Variants in PCDHGA7 observed in about 807,000 individuals in gnomAD.
PCDHGA7 encodes protocadherin gamma subfamily A, 7, also known as protocadherin gamma-A7.
In PCDHGA7, 44 loss-of-function variants were observed where a neutral mutation model predicts 58.3. That is an observed-to-expected ratio of 0.75 (90% confidence interval 0.59 to 0.97). The LOEUF (loss-of-function observed/expected upper bound fraction) is 0.97. PCDHGA7 is among the 50% of genes least tolerant of loss of function. PCDHGA7 has a pLI of 0.00. For missense variants in PCDHGA7, 1,266 were observed against 1,188.7 expected (o/e 1.06, Z -0.96); for synonymous variants, 516 against 504.2 (o/e 1.02, Z -0.31).
At chr5:141,400,791 T>C in intron 1 of PCDHGA7, 1 of 562,286 alleles carries the variant, frequency 1.8e-6, no homozygotes, top group Non-Finnish European at 3.1e-6. Flanking sequence ...TTTGTCCTCT[T>C]TCTCAAAGCT....
Position 141,486,253 on chromosome 5 carries a change from C to A in PCDHGA7, c.2425-8554C>A. The A allele has an allele frequency of 6.2e-7, 1 of 1,614,138 alleles. No individual in the cohort carries two copies. Among genetic ancestry groups the A allele is most frequent in the Non-Finnish European group, 8.5e-7 (1 of 1,180,006 alleles). On this transcript the variant is annotated intron_variant, in intron 1 of 3. Transcript: ENST00000518325. This position sits in a 1 kb window ranked among gnomAD's most constrained non-coding sequence, Gnocchi z 5.0. ...TGACCTCAGAGCTTGGAACCCTCCC[C>A]GAGAGTGCAGAACCTGGCACTGTGG...
chr5:141,387,661 G>C (rs2091032284), intron 1 of PCDHGA7: 2 of 656,114 alleles, frequency 3.0e-6, no homozygotes, highest in East Asian at 5.7e-5. Context: ...AGAGCTTGGC[G>C]CTCCAGATCT....
rs950537869 is a variant in PCDHGA7, at chr5:141,432,150, A to G, written c.2424+46827A>G. 6.2e-7 allele frequency: 1 copy of G among 1,614,010 alleles called. No homozygotes were observed. On this transcript the variant is annotated intron_variant, in intron 1 of 3. Coordinates refer to ENST00000518325, the MANE Select transcript of PCDHGA7 (RefSeq NM_018920.4). The surrounding 1 kb of genome is among the most constrained non-coding windows in gnomAD (Gnocchi z 6.0). ...TCCTATTCCGCTTATATCCCAGAGA[A>G]CAATCCCAGAGGAGTTTCCCTCGTC...
intron 1 of PCDHGA7, chr5:141,404,970 C>G: frequency 6.2e-7 from 1 of 1,614,058 alleles, no homozygotes; most frequent in East Asian, 2.2e-5. Context: ...GACATCCTGG[C>G]TGACCTGGGC....
At chr5:141,456,837 C>G (rs550771859) in intron 1 of PCDHGA7, among the ~76,000 whole-genome samples, 70 of 152,194 alleles carry the variant, frequency 4.6e-4, no homozygotes, top group Non-Finnish European at 8.2e-4. Context: ...GTAGTGGGCG[C>G]CTGTAATCCC....
chr5:141,431,748 G>T lies in PCDHGA7; in HGVS notation c.2424+46425G>T. 1 of 1,614,196 alleles carries T rather than the reference G, an allele frequency of 6.2e-7. No homozygotes were observed. Among genetic ancestry groups the T allele is most frequent in the Non-Finnish European group, 8.5e-7 (1 of 1,180,042 alleles). Reference sequence around the variant, plus strand: ...ATGGATAATGCAGGATATTCTGCGCGAGCCAAAGTCCTGATCACTGTTCTG... The same window carrying T: ...ATGGATAATGCAGGATATTCTGCGCTAGCCAAAGTCCTGATCACTGTTCTG... On this transcript the variant is annotated intron_variant, in intron 1 of 3. Transcript: ENST00000518325. This position sits in a 1 kb window ranked among gnomAD's most constrained non-coding sequence, Gnocchi z 4.8.
At chr5:141,397,896 C>G (rs371654961) in intron 1 of PCDHGA7, 48 of 650,728 alleles carry the variant, frequency 7.4e-5, no homozygotes, top group African/African-American at 2.0e-4. Flanking sequence ...GGCCAAAGTG[C>G]AGAGCTTGGC....
chr5:141,383,932 C>G lies in PCDHGA7; in HGVS notation c.1033C>G (p.Pro345Ala). 3 of 1,613,794 alleles carry G rather than the reference C, an allele frequency of 1.9e-6. No individual in the cohort carries two copies. Among genetic ancestry groups the G allele is most frequent in the Non-Finnish European group, 2.5e-6 (3 of 1,179,800 alleles). ...AGTTTTAGATGTAAATGATAATGCTCCAGAAGTGACTATGACGTCTTTAAG... is the reference window on the plus strand; with the variant it reads ...AGTTTTAGATGTAAATGATAATGCTGCAGAAGTGACTATGACGTCTTTAAG... ...ITVLDVNDNA[P>A]EVTMTSLSSS... is the part of the protein sequence containing the mutation. Residue 345 changes from proline (P) to alanine (A), a missense_variant, in exon 1 of 4, where the codon CCA becomes GCA. Coordinates refer to ENST00000518325, the MANE Select transcript of PCDHGA7 (RefSeq NM_018920.4).
intron 1 of PCDHGA7, chr5:141,415,006 C>A (rs1353721901): frequency 6.2e-7 from 1 of 1,613,652 alleles, no homozygotes; most frequent in Non-Finnish European, 8.5e-7. Context: ...GCTGTCCTAC[C>A]GTCTGCTCAA....
At position 141,489,302 on chromosome 5, in the gene PCDHGA7, T is replaced by C. The variant is rs1258736404; in HGVS notation, c.2425-5505T>C. 2 of 1,586,886 alleles carry C rather than the reference T, an allele frequency of 1.3e-6. No homozygotes were observed. The highest frequency in any genetic ancestry group is 2.3e-5 in the South Asian group (2 of 85,378). ...TGGCAAGTGCTGTGCATGTTGTCCT[T>C]GTGCTGCTGGGGCTGGGTGTCTGGG... On this transcript the variant is annotated intron_variant, in intron 1 of 3. Transcript: ENST00000518325. The surrounding 1 kb of genome is among the most constrained non-coding windows in gnomAD (Gnocchi z 4.5).
chr5:141,387,301 AT>A (rs888289074), intron 1 of PCDHGA7, among the ~76,000 whole-genome samples: 1 of 152,242 alleles, frequency 6.6e-6, no homozygotes, highest in African/African-American at 2.4e-5. Flanking sequence ...TGTATCCAGT[AT>A]ATTTCTAATG....
At chr5:141,407,222 C>CA (rs895046980) in intron 1 of PCDHGA7, among the ~76,000 whole-genome samples, 4 of 151,730 alleles carry the variant, frequency 2.6e-5, no homozygotes, top group African/African-American at 7.2e-5. Flanking sequence ...AAGTGGGTAG[C>CA]AAAAAAAATA....
At chr5:141,456,215 C>T (rs1465130067) in intron 1 of PCDHGA7, among the ~76,000 whole-genome samples, 2 of 152,048 alleles carry the variant, frequency 1.3e-5, no homozygotes, top group African/African-American at 2.4e-5. Flanking sequence ...CTCCCTGTGG[C>T]GATATCAAAC....
chr5:141,409,203 T>TC, intron 1 of PCDHGA7: 1 of 1,613,964 alleles, frequency 6.2e-7, no homozygotes, highest in Non-Finnish European at 8.5e-7. Context: ...TGTAAAGTAA[T>TC]CATAGAAATC....
intron 1 of PCDHGA7, chr5:141,390,054 T>G (rs763200251): frequency 6.2e-7 from 1 of 1,614,070 alleles, no homozygotes; most frequent in Non-Finnish European, 8.5e-7. Context: ...CTCCTGGAGC[T>G]GCTTCCAGCC....
At chr5:141,423,702 C>T in intron 1 of PCDHGA7, 4 of 1,340,970 alleles carry the variant, frequency 3.0e-6, no homozygotes, top group South Asian at 1.6e-5. Flanking sequence ...GGTGTCTTGG[C>T]ACAAGTCTTT....
chr5:141,415,849 C>A (rs1453652151), intron 1 of PCDHGA7: 2 of 1,230,672 alleles, frequency 1.6e-6, no homozygotes, highest in Non-Finnish European at 2.1e-6. Flanking sequence ...CTTTGCAGAA[C>A]CTTGTAGTTT....
Position 141,431,697 on chromosome 5 carries a change from G to A in PCDHGA7, c.2424+46374G>A. The A allele has an allele frequency of 6.2e-7, 1 of 1,614,206 alleles. No homozygotes were observed. Among genetic ancestry groups the A allele is most frequent in the South Asian group, 1.1e-5 (1 of 91,084 alleles). On this transcript the variant is annotated intron_variant, in intron 1 of 3. Transcript: ENST00000518325. This position sits in a 1 kb window ranked among gnomAD's most constrained non-coding sequence, Gnocchi z 4.8. Reference sequence around the variant, plus strand: ...GGGGAGTTGGACCACGAGGAGTCAGGATTCTACCAGATGGAAGTGCAAGCA... The same window carrying A: ...GGGGAGTTGGACCACGAGGAGTCAGAATTCTACCAGATGGAAGTGCAAGCA...
chr5:141,427,985 C>A (rs747784722), intron 1 of PCDHGA7: 23 of 1,597,524 alleles, frequency 1.4e-5, no homozygotes, highest in Non-Finnish European at 1.9e-5. Context: ...CGCTGGGGCC[C>A]GATGGCTCCG....
Sources: allele counts gnomAD v4.1 joint callset (sites outside exome capture counted in the v4.1 genomes callset), GRCh38; gene constraint gnomAD v4.1.1; non-coding constraint Gnocchi (gnomAD v3.1); transcripts MANE v1.5; gene names NCBI Gene and HGNC (gene_info 2026-07-23, HGNC 2026-07-21).